Variants in GABRG3 observed in about 807,000 individuals in gnomAD.
GABRG3 encodes the protein gamma-aminobutyric acid receptor subunit gamma-3.
Under a neutral mutation model 48.8 loss-of-function variants are expected in GABRG3, and 25 were observed. That is an observed-to-expected ratio of 0.51 (90% confidence interval 0.37 to 0.72). The LOEUF (loss-of-function observed/expected upper bound fraction) is 0.72, where lower values mean the gene tolerates loss of function less well. Ranked by LOEUF, GABRG3 falls within the 30% of genes least tolerant of loss-of-function variation. The pLI is 0.00. For missense variants in GABRG3, 394 were observed against 577.9 expected (o/e 0.68, Z 3.26); for synonymous variants, 227 against 217.6 (o/e 1.04, Z -0.38).
At chr15:27,527,822 T>A in intron 8 of GABRG3, 111 bp from the exon 9 acceptor site, 1 of 991,292 alleles carries the variant, frequency 1.0e-6, no homozygotes, top group Non-Finnish European at 1.5e-6. Context: ...TGGTGTCACC[T>A]ACCGGTGACG....
intron 5 of GABRG3, among the ~76,000 whole-genome samples, chr15:27,425,302 C>T (rs1888256713): frequency 6.6e-6 from 1 of 151,936 alleles, no homozygotes; most frequent in Non-Finnish European, 1.5e-5. Context: ...AATTGTAAAC[C>T]TGGGGATGGT....
Position 27,076,621 on chromosome 15 carries a change from G to T in GABRG3, c.270+49800G>T, listed in dbSNP as rs544820025. On this transcript the variant is annotated intron_variant, in intron 3 of 9. Transcript: ENST00000615808. ...TTGCAGGCATGAGCCACCGTGCCCG[G>T]TGAGCCACCTGTCTCAAGATCATCC... is the stretch of plus-strand genomic sequence containing the variant. Among the ~76,000 whole-genome samples the T allele has an allele frequency of 1.4e-4, 21 of 152,246 alleles. No individual in the cohort carries two copies. In the South Asian group the frequency reaches 1.7e-3, roughly 12 times the overall value.
At chr15:27,313,240 A>ATGTGTGTGTG (rs1169973611) in intron 3 of GABRG3, among the ~76,000 whole-genome samples, 1 of 56,882 alleles carries the variant, frequency 1.8e-5, no homozygotes, top group African/African-American at 6.7e-5. Flanking sequence ...ATATGTATAT[A>ATGTGTGTGTG]TGTGTGTGTG....
chr15:27,295,678 C>A (rs1891958529), intron 3 of GABRG3, among the ~76,000 whole-genome samples: 1 of 152,180 alleles, frequency 6.6e-6, no homozygotes, highest in Non-Finnish European at 1.5e-5. Context: ...GGCAGGCCTA[C>A]AGGCATGGGG....
intron 3 of GABRG3, among the ~76,000 whole-genome samples, chr15:27,249,401 C>T (rs1298479496): frequency 6.6e-6 from 1 of 152,222 alleles, no homozygotes; most frequent in Non-Finnish European, 1.5e-5. Flanking sequence ...CTCACCTGGG[C>T]CTTGCAGAGC....
intron 5 of GABRG3, among the ~76,000 whole-genome samples, chr15:27,463,582 T>C (rs535047773): frequency 3.0e-4 from 46 of 152,294 alleles, no homozygotes; most frequent in African/African-American, 9.6e-4. Context: ...AGTGAGATAT[T>C]GAAACCATGC....
rs1004136355 is a variant in GABRG3, at chr15:27,153,351, A to G, written c.270+126530A>G. ...GTTCTCTATTCTGTTCCATTGATCTATGTGTGTATCCCTCTGACAATATCA... is the reference window on the plus strand; with the variant it reads ...GTTCTCTATTCTGTTCCATTGATCTGTGTGTGTATCCCTCTGACAATATCA... On this transcript the variant is annotated intron_variant, in intron 3 of 9. Transcript: ENST00000615808. Among the ~76,000 whole-genome samples the G allele has an allele frequency of 5.7e-4, 86 of 152,166 alleles. 1 individual carries two copies. Among genetic ancestry groups the G allele is most frequent in the Non-Finnish European group, 1.0e-3 (68 of 68,012 alleles).
chr15:27,513,611 A>T (rs1436677430), intron 6 of GABRG3, among the ~76,000 whole-genome samples: 1 of 152,192 alleles, frequency 6.6e-6, no homozygotes, highest in Admixed American at 6.5e-5. Context: ...AATCAAACAG[A>T]GTACTCACAA....
At chr15:27,169,695 G>A (rs975858479) in intron 3 of GABRG3, among the ~76,000 whole-genome samples, 1 of 152,140 alleles carries the variant, frequency 6.6e-6, no homozygotes, top group Non-Finnish European at 1.5e-5. Context: ...TGCCATAACA[G>A]AATACCACGG....
Position 26,974,125 on chromosome 15 carries a change from C to T in GABRG3, c.53+2537C>T, listed in dbSNP as rs914521568. Among the ~76,000 whole-genome samples the T allele has an allele frequency of 1.1e-4, 16 of 152,216 alleles. No individual in the cohort carries two copies. Among genetic ancestry groups the T allele is most frequent in the African/African-American group, 3.9e-4 (16 of 41,532 alleles). On this transcript the variant is annotated intron_variant, in intron 1 of 9. Transcript: ENST00000615808. The surrounding 1 kb of genome is among the most constrained non-coding windows in gnomAD (Gnocchi z 4.3). ...GAGAAGGGTGCTCACTGCCCAGGGA[C>T]CTAGAGCATCTCGGCCTCACTCTGC... is the stretch of plus-strand genomic sequence containing the variant.
intron 5 of GABRG3, among the ~76,000 whole-genome samples, chr15:27,380,860 G>C (rs969727968): frequency 2.4e-4 from 36 of 149,494 alleles, no homozygotes; most frequent in Non-Finnish European, 3.6e-4. Flanking sequence ...CTGCCTCCTG[G>C]GTTCACGCCA....
chr15:27,016,497 G>C (rs939472623), intron 2 of GABRG3, among the ~76,000 whole-genome samples: 3 of 152,032 alleles, frequency 2.0e-5, no homozygotes, highest in African/African-American at 7.2e-5. Flanking sequence ...CCTTGTACAT[G>C]ATAAGTCACT....
At chr15:27,417,666 T>C (rs1340196821) in intron 5 of GABRG3, among the ~76,000 whole-genome samples, 1 of 152,222 alleles carries the variant, frequency 6.6e-6, no homozygotes, top group Non-Finnish European at 1.5e-5. Context: ...TTACTGCCAC[T>C]GTCTCTGATG....
chr15:27,315,420 T>C (rs1218026841), intron 3 of GABRG3, among the ~76,000 whole-genome samples: 1 of 152,202 alleles, frequency 6.6e-6, no homozygotes, highest in Non-Finnish European at 1.5e-5. Flanking sequence ...GAAGACTCAT[T>C]GCAGTTTTTG....
chr15:27,218,191 A>G (rs1333388567), intron 3 of GABRG3, among the ~76,000 whole-genome samples: 1 of 151,734 alleles, frequency 6.6e-6, no homozygotes, highest in African/African-American at 2.4e-5. Flanking sequence ...TTTTTTTTTA[A>G]TGTTTAATAT....
chr15:27,419,765 A>G (rs1888054532), intron 5 of GABRG3, among the ~76,000 whole-genome samples: 2 of 152,160 alleles, frequency 1.3e-5, no homozygotes, highest in African/African-American at 4.8e-5. Context: ...TTTCACACTC[A>G]AGTAACGGAA....
At chr15:27,095,635 A>C (rs1897256492) in intron 3 of GABRG3, among the ~76,000 whole-genome samples, 2 of 152,196 alleles carry the variant, frequency 1.3e-5, no homozygotes, top group African/African-American at 4.8e-5. Flanking sequence ...GAATGATGCC[A>C]CAGCATGGGA....
intron 2 of GABRG3, among the ~76,000 whole-genome samples, chr15:27,012,660 C>T (rs147744825): frequency 6.6e-5 from 10 of 152,310 alleles, no homozygotes; most frequent in African/African-American, 2.2e-4. Flanking sequence ...TTCTTTCCCA[C>T]ACCATAGTCA....
At chr15:27,348,104 C>A (rs150191806) in intron 5 of GABRG3, among the ~76,000 whole-genome samples, 1 of 141,280 alleles carries the variant, frequency 7.1e-6, no homozygotes, top group African/African-American at 2.7e-5. Context: ...CACAGTGAGC[C>A]GAGATCATGC....
Sources: gnomAD v4.1 joint callset for allele counts (sites outside exome capture counted in the v4.1 genomes callset) on GRCh38, gnomAD v4.1.1 for gene constraint, Gnocchi (gnomAD v3.1) non-coding constraint, MANE v1.5 for transcripts, NCBI Gene and HGNC (gene_info 2026-07-23, HGNC 2026-07-21) for gene names.